The following EEF1AKMT2 variants were observed in gnomAD, a reference collection of about 807,000 sequenced individuals.
EEF1AKMT2 encodes EEF1A lysine methyltransferase 2, also known as eukaryotic translation elongation factor 1 alpha lysine methyltransferase 2.
Under a neutral mutation model 35.8 loss-of-function variants are expected in EEF1AKMT2, and 32 were observed. That is an observed-to-expected ratio of 0.89 (90% confidence interval 0.67 to 1.20). EEF1AKMT2 has a LOEUF of 1.20. Among genes scored for constraint, EEF1AKMT2 ranks in the 50% most tolerant of loss-of-function variants. The probability of loss-of-function intolerance (pLI) is 0.00; values close to 1 mark genes in which losing one functional copy is unlikely to be tolerated. For missense variants in EEF1AKMT2, 330 were observed against 347.5 expected (o/e 0.95, Z 0.40); for synonymous variants, 121 against 133.7 (o/e 0.91, Z 0.65).
At chr10:124,779,747 CAAAAAAAAAAA>C (rs34475748) in intron 3 of EEF1AKMT2, among the ~76,000 whole-genome samples, 5 of 28,182 alleles carry the variant, frequency 1.8e-4, no homozygotes, top group South Asian at 3.6e-3. Flanking sequence ...GACTCCATCT[CAAAAAAAAAAA>C]AAAAAAAAAA....
chr10:124,768,744 C>T (rs891100576), intron 4 of EEF1AKMT2, among the ~76,000 whole-genome samples: 1 of 150,774 alleles, frequency 6.6e-6, no homozygotes, highest in African/African-American at 2.4e-5. Flanking sequence ...AAAAAGCCTC[C>T]GTCTCAAAAA....
rs370770252 is a variant in EEF1AKMT2, at chr10:124,759,778, T to A, written c.*725A>T. On this transcript the variant is annotated 3_prime_UTR_variant, in exon 7 of 7. Coordinates refer to ENST00000368836, the MANE Select transcript of EEF1AKMT2 (RefSeq NM_212554.4). ...GCTAGCAAATAATAACATTCCTTAGTTCTCTTTCCTTCTACTACCCTTACA... is the reference window on the plus strand; with the variant it reads ...GCTAGCAAATAATAACATTCCTTAGATCTCTTTCCTTCTACTACCCTTACA... 6.6e-6 allele frequency: 1 copy of A among 152,376 alleles called. No homozygotes were observed. The highest frequency in any genetic ancestry group is 1.5e-5 in the Non-Finnish European group (1 of 68,034). The allele number at this position is 152,376 out of a possible 1,614,324, so 9.4% of individuals were successfully genotyped here.
intron 3 of EEF1AKMT2, 61 bp downstream of exon 3, chr10:124,788,982 G>A: frequency 3.6e-6 from 4 of 1,103,750 alleles, no homozygotes; most frequent in Non-Finnish European, 4.1e-6. Flanking sequence ...TCAATTGCAG[G>A]GCCTTTAAAA....
intron 4 of EEF1AKMT2, among the ~76,000 whole-genome samples, chr10:124,771,608 G>A (rs1025972448): frequency 1.2e-4 from 18 of 151,928 alleles, no homozygotes; most frequent in African/African-American, 3.6e-4. Context: ...GGTGGCTCAC[G>A]CCTGTAATCC....
intron 3 of EEF1AKMT2, among the ~76,000 whole-genome samples, chr10:124,775,767 A>G (rs1259024252): frequency 6.6e-6 from 1 of 152,110 alleles, no homozygotes; most frequent in Non-Finnish European, 1.5e-5. Flanking sequence ...TTTTTAATCT[A>G]AAGGTCTAAT....
chr10:124,773,616 G>C (rs1417795342), intron 4 of EEF1AKMT2, among the ~76,000 whole-genome samples: 2 of 152,158 alleles, frequency 1.3e-5, no homozygotes, highest in Non-Finnish European at 2.9e-5. Context: ...GAGGAAGATA[G>C]GAGACCAGCC....
chr10:124,773,358 T>C (rs1950456454), intron 4 of EEF1AKMT2, among the ~76,000 whole-genome samples: 1 of 151,852 alleles, frequency 6.6e-6, no homozygotes, highest in Non-Finnish European at 1.5e-5. Flanking sequence ...CAGGCTGGAG[T>C]GTAGTTGGGA....
chr10:124,782,100 C>T (rs993891104), intron 3 of EEF1AKMT2, among the ~76,000 whole-genome samples: 6 of 152,072 alleles, frequency 3.9e-5, no homozygotes, highest in East Asian at 1.9e-4. Flanking sequence ...AACAGCCATA[C>T]GCAAAGAGAT....
intron 5 of EEF1AKMT2, among the ~76,000 whole-genome samples, chr10:124,763,473 A>G (rs11245357): frequency 0.55 from 83,352 of 151,982 alleles, 23,361 homozygotes; most frequent in South Asian, 0.65. Flanking sequence ...CAGTGACGCA[A>G]GGCAGTGTAT....
intron 2 of EEF1AKMT2, 92 bp from the exon 3 acceptor site, chr10:124,789,249 T>A: frequency 1.3e-6 from 1 of 771,936 alleles, no homozygotes; most frequent in Non-Finnish European, 2.1e-6. Flanking sequence ...ATGCTCAAAC[T>A]CTTATTTGAA....
chr10:124,790,980 G>C (rs1279107043), intron 1 of EEF1AKMT2, among the ~76,000 whole-genome samples: 2 of 152,104 alleles, frequency 1.3e-5, no homozygotes, highest in African/African-American at 4.8e-5. Context: ...GGTCAGGCTG[G>C]TCTCGATCTC....
At chr10:124,789,013 C>G in intron 3 of EEF1AKMT2, 30 bp downstream of exon 3, 1 of 1,542,110 alleles carries the variant, frequency 6.5e-7, no homozygotes, top group Non-Finnish European at 8.9e-7. Flanking sequence ...TAAAATTTGT[C>G]TTTAACAAAC....
intron 3 of EEF1AKMT2, among the ~76,000 whole-genome samples, chr10:124,786,683 G>A (rs1460797804): frequency 6.6e-6 from 1 of 151,392 alleles, no homozygotes; most frequent in Non-Finnish European, 1.5e-5. Flanking sequence ...CATGGTGTAC[G>A]CCTGTAATCC....
At chr10:124,767,773 G>A (rs1369233276) in intron 4 of EEF1AKMT2, among the ~76,000 whole-genome samples, 1 of 151,998 alleles carries the variant, frequency 6.6e-6, no homozygotes, top group Non-Finnish European at 1.5e-5. Flanking sequence ...ATCACCTGAG[G>A]TCAGGAGTTC....
At chr10:124,776,976 A>G (rs1168169557) in intron 3 of EEF1AKMT2, among the ~76,000 whole-genome samples, 1 of 152,108 alleles carries the variant, frequency 6.6e-6, no homozygotes, top group Non-Finnish European at 1.5e-5. Context: ...AAAACAGGAA[A>G]GAATATCAAA....
intron 4 of EEF1AKMT2, among the ~76,000 whole-genome samples, chr10:124,770,310 G>C (rs113714281): frequency 6.6e-6 from 1 of 151,626 alleles, no homozygotes; most frequent in Non-Finnish European, 1.5e-5. Context: ...CCAGCTACTC[G>C]GGAGGCTGAG....
chr10:124,768,557 C>T (rs1263677935), intron 4 of EEF1AKMT2, among the ~76,000 whole-genome samples: 1 of 152,074 alleles, frequency 6.6e-6, no homozygotes, highest in Admixed American at 6.6e-5. Flanking sequence ...CCAGCCTGAG[C>T]GACGTGCTGA....
Position 124,769,730 on chromosome 10 carries a change from T to C in EEF1AKMT2, c.400-4122A>G, listed in dbSNP as rs531738954. On this transcript the variant is annotated intron_variant, in intron 4 of 6. Coordinates refer to ENST00000368836, the MANE Select transcript of EEF1AKMT2 (RefSeq NM_212554.4). ...GGGAGGCCAAGGTGGGTGGATCACC[T>C]GAGGTCAGGAGTTCAAGACCAGCCT... Among the ~76,000 whole-genome samples the C allele has an allele frequency of 3.4e-3, 510 of 151,450 alleles. 2 individuals are homozygous for C. The highest frequency in any genetic ancestry group is 0.011 in the African/African-American group (465 of 41,236).
intron 5 of EEF1AKMT2, among the ~76,000 whole-genome samples, chr10:124,765,012 T>G (rs1950366402): frequency 6.6e-6 from 1 of 152,152 alleles, no homozygotes; most frequent in Non-Finnish European, 1.5e-5. Context: ...TGCGATCCTC[T>G]CACCTCAGTC....
Sources: gnomAD v4.1 joint callset for allele counts (sites outside exome capture counted in the v4.1 genomes callset) on GRCh38, gnomAD v4.1.1 for gene constraint, MANE v1.5 for transcripts, NCBI Gene and HGNC (gene_info 2026-07-23, HGNC 2026-07-21) for gene names.